Variants in MTHFS observed in about 807,000 individuals in gnomAD.
MTHFS encodes methenyltetrahydrofolate synthetase.
A neutral mutation model predicts 12.7 loss-of-function variants in MTHFS; 7 were observed. That is an observed-to-expected ratio of 0.55 (90% CI 0.31 to 1.03). MTHFS has a LOEUF of 1.03. Among genes scored for constraint, MTHFS ranks in the 50% least tolerant of loss-of-function variants. MTHFS has a pLI of 0.05. For synonymous variants in MTHFS, 100 were observed against 97.1 expected (o/e 1.03, Z -0.18); for missense variants, 252 against 258.1 (o/e 0.98, Z 0.16).
intron 2 of MTHFS, among the ~76,000 whole-genome samples, chr15:79,850,464 C>T (rs2033695708): frequency 6.6e-6 from 1 of 152,158 alleles, no homozygotes; most frequent in Non-Finnish European, 1.5e-5. Context: ...CATAACTCTG[C>T]TGTGTAGTAT....
At chr15:79,859,319 C>T (rs916222270) in intron 2 of MTHFS, among the ~76,000 whole-genome samples, 10 of 152,184 alleles carry the variant, frequency 6.6e-5, no homozygotes, top group African/African-American at 2.4e-4. Context: ...GTATTAAAAT[C>T]CATTGAACAG....
chr15:79,857,026 G>A (rs2033819451), intron 2 of MTHFS, among the ~76,000 whole-genome samples: 1 of 140,070 alleles, frequency 7.1e-6, no homozygotes, highest in Non-Finnish European at 1.6e-5. Flanking sequence ...ACAGAGTTTC[G>A]CTCTTGTTGC....
chr15:79,896,830 A>G, intron 1 of MTHFS, 42 bp downstream of exon 1: 2 of 1,535,372 alleles, frequency 1.3e-6, no homozygotes, highest in Non-Finnish European at 1.7e-6. Flanking sequence ...AGGCCTTCGG[A>G]GGGTCTGTCC....
intron 2 of MTHFS, chr15:79,878,127 C>T (rs2034233001): frequency 6.6e-6 from 1 of 152,026 alleles, no homozygotes; most frequent in Admixed American, 6.6e-5. Flanking sequence ...TTTCTCTTTT[C>T]TTCTATTCCT....
intron 2 of MTHFS, among the ~76,000 whole-genome samples, chr15:79,865,432 T>C (rs1020918663): frequency 6.6e-6 from 1 of 152,210 alleles, no homozygotes. Flanking sequence ...GGGAATTTGA[T>C]AATGAAATAC....
upstream of MTHFS, chr15:79,897,160 C>G: frequency 1.8e-6 from 1 of 565,240 alleles, no homozygotes; most frequent in Non-Finnish European, 2.8e-6. Flanking sequence ...CGCGCGCTTA[C>G]CTCGCCTCTG....
intron 2 of MTHFS, among the ~76,000 whole-genome samples, chr15:79,875,341 CA>C (rs1254856528): frequency 1.3e-5 from 2 of 151,622 alleles, no homozygotes; most frequent in East Asian, 3.9e-4. Context: ...TTGTCAATGG[CA>C]ACCTGGAGGC....
At position 79,889,246 on chromosome 15, in the gene MTHFS, T is replaced by C; in HGVS notation, c.226A>G (p.Lys76Glu). Residue 76 changes from lysine to glutamate, a missense_variant, in exon 2 of 3, where the codon AAA (lysine) becomes GAA (glutamate). Lys to Glu is a moderately conservative substitution (Grantham distance 56). Transcript: ENST00000258874. ...CGGTACCGAGGGATGAAGCAGATTT[T>C]GCCTCGTTGGAAAATGTCCTTGATG... ...EIIKDIFQRG[K>E]ICFIPRYRFQ... The C allele has an allele frequency of 6.2e-7, 1 of 1,614,240 alleles. No homozygotes were observed. The highest frequency in any genetic ancestry group is 8.5e-7 in the Non-Finnish European group (1 of 1,180,042).
chr15:79,895,544 A>C (rs1179082235), intron 1 of MTHFS, among the ~76,000 whole-genome samples: 2 of 152,242 alleles, frequency 1.3e-5, no homozygotes, highest in East Asian at 3.8e-4. Context: ...ACATATGTGA[A>C]TGAATTAGCT....
rs78700463 is a variant in MTHFS, at chr15:79,881,366, T to A, written c.379+7727A>T. On this transcript the variant is annotated intron_variant, in intron 2 of 2. Coordinates refer to ENST00000258874, the MANE Select transcript of MTHFS (RefSeq NM_006441.4). ...TAACCCCTAAGGAACTGTCTTTTAA[T>A]CTTAATGGGCTGGGAGTTAACAAGA... Among the ~76,000 whole-genome samples, 2,807 of 152,308 alleles carry A rather than the reference T, an allele frequency of 0.018. 217 individuals carry two copies. In the East Asian group the frequency reaches 0.25, roughly 14 times the overall value.
In MTHFS at chr15:79,896,871, C is replaced by A. The variant is rs866524151; in HGVS notation, c.117+1G>T. On this transcript the variant is annotated splice_donor_variant, in intron 1 of 2. Coordinates refer to ENST00000258874, the MANE Select transcript of MTHFS (RefSeq NM_006441.4). LOFTEE classifies it high-confidence loss of function. ...GGCTTCCGCTACGGGCGGCCTCGCACCTTCTGGCTCAGTACGCGGGACTGG... is the reference window on the plus strand; with the variant it reads ...GGCTTCCGCTACGGGCGGCCTCGCAACTTCTGGCTCAGTACGCGGGACTGG... 1.9e-6 allele frequency: 3 copies of A among 1,542,786 alleles called. No homozygotes were observed. The highest frequency in any genetic ancestry group is 2.4e-5 in the East Asian group (1 of 40,844).
At position 79,843,740 on chromosome 15, in the gene MTHFS, C is replaced by A. The variant is rs1468671259; in HGVS notation, c.*1470G>T. The A allele has an allele frequency of 6.6e-6, 1 of 152,166 alleles. No homozygotes were observed. Among genetic ancestry groups the A allele is most frequent in the South Asian group, 2.1e-4 (1 of 4,822 alleles). The allele number at this position is 152,166 out of a possible 1,614,324, so 9.4% of individuals were successfully genotyped here. A position where few individuals can be genotyped will look rare whatever the true frequency, so the allele number is the denominator to read the frequency against. On this transcript the variant is annotated 3_prime_UTR_variant, in exon 3 of 3. Coordinates refer to ENST00000258874, the MANE Select transcript of MTHFS (RefSeq NM_006441.4). The stretch of plus-strand genomic sequence containing the variant: ...AAGAAGTATAAAGATCACTTCTTTT[C>A]TTTGGAGCTCACAGTATGGTGAAGG...
chr15:79,849,878 T>G (rs1025521434), intron 2 of MTHFS, among the ~76,000 whole-genome samples: 5 of 152,210 alleles, frequency 3.3e-5, no homozygotes, highest in Admixed American at 3.3e-4. Flanking sequence ...AAAGCTAACC[T>G]TTGGAAAACT....
At chr15:79,874,970 C>T (rs370794594) in intron 2 of MTHFS, among the ~76,000 whole-genome samples, 5 of 151,868 alleles carry the variant, frequency 3.3e-5, no homozygotes, top group South Asian at 2.1e-4. Context: ...GTGCAGTTAA[C>T]GCAATCATCA....
chr15:79,871,748 G>C (rs1425725646), intron 2 of MTHFS, among the ~76,000 whole-genome samples: 1 of 152,056 alleles, frequency 6.6e-6, no homozygotes, highest in Non-Finnish European at 1.5e-5. Flanking sequence ...GTGACAATTT[G>C]AAATGCTTAA....
At chr15:79,881,130 TAG>T (rs536301448) in intron 2 of MTHFS, among the ~76,000 whole-genome samples, 164 of 152,360 alleles carry the variant, frequency 1.1e-3, no homozygotes, top group South Asian at 6.4e-3. Flanking sequence ...AGAAACCTAA[TAG>T]ACATTTTAAT....
chr15:79,881,026 T>C (rs139294065), intron 2 of MTHFS, among the ~76,000 whole-genome samples: 2 of 152,280 alleles, frequency 1.3e-5, no homozygotes, highest in Non-Finnish European at 2.9e-5. Flanking sequence ...TTCAGAGCAA[T>C]AAACTAAAAA....
At chr15:79,891,631 T>C (rs1382964432) in intron 1 of MTHFS, among the ~76,000 whole-genome samples, 1 of 152,210 alleles carries the variant, frequency 6.6e-6, no homozygotes, top group Non-Finnish European at 1.5e-5. Context: ...TCTGTGATTT[T>C]TATTATCTGA....
intron 2 of MTHFS, among the ~76,000 whole-genome samples, chr15:79,867,790 G>A (rs1349479918): frequency 1.3e-5 from 2 of 152,154 alleles, no homozygotes; most frequent in Non-Finnish European, 2.9e-5. Context: ...ATATAAAGAT[G>A]AAGAATCAGC....
Sources: allele counts gnomAD v4.1 joint callset (sites outside exome capture counted in the v4.1 genomes callset), GRCh38; gene constraint gnomAD v4.1.1; transcripts MANE v1.5; gene names NCBI Gene and HGNC (gene_info 2026-07-23, HGNC 2026-07-21).